The following MTG2 variants were observed in gnomAD, a reference collection of about 807,000 sequenced individuals.
The protein encoded by MTG2 is mitochondrial ribosome associated GTPase 2, also known as mitochondrial ribosome-associated GTPase 2.
Under a neutral mutation model 28.6 loss-of-function variants are expected in MTG2, and 23 were observed. That is an observed-to-expected ratio of 0.80 (90% CI 0.58 to 1.14). The LOEUF is 1.14. MTG2 is among the 50% of genes most tolerant of loss of function. The pLI is 0.00. For missense variants in MTG2, 539 were observed against 552.0 expected (o/e 0.98, Z 0.24); for synonymous variants, 260 against 251.8 (o/e 1.03, Z -0.31).
At chr20:62,197,759 A>G (rs377017932) in intron 3 of MTG2, 93 bp from the exon 4 acceptor site, 316 of 1,040,960 alleles carry the variant, frequency 3.0e-4, no homozygotes, top group East Asian at 8.2e-4. Flanking sequence ...TTCCATACCT[A>G]TTTTTAAGGT....
In MTG2 at chr20:62,203,092, A is replaced by G. The variant is rs540184350; in HGVS notation, c.*2015A>G. The G allele has an allele frequency of 8.5e-5, 13 of 152,342 alleles. No individual in the cohort carries two copies. The highest frequency in any genetic ancestry group is 3.1e-4 in the African/African-American group (13 of 41,586). The allele number at this position is 152,342 out of a possible 1,614,324, so 9.4% of individuals were successfully genotyped here. A position where few individuals can be genotyped will look rare whatever the true frequency, so the allele number is the denominator to read the frequency against. On this transcript the variant is annotated 3_prime_UTR_variant, in exon 7 of 7. Transcript: ENST00000370823. ...TTTGCTTTTTCTTTCAGGCCGCCAC[A>G]AAGGATTTTGTGGAGTCGCCCCAGG...
intron 1 of MTG2, among the ~76,000 whole-genome samples, chr20:62,186,583 C>T (rs1038508848): frequency 2.9e-5 from 4 of 135,850 alleles, no homozygotes; most frequent in South Asian, 2.4e-4. Flanking sequence ...GGCTGGAGTG[C>T]GGTAACGTGA....
At chr20:62,186,780 C>T (rs1013863610) in intron 1 of MTG2, among the ~76,000 whole-genome samples, 14 of 152,036 alleles carry the variant, frequency 9.2e-5, no homozygotes, top group East Asian at 3.9e-4. Context: ...CCGCCCACCT[C>T]GGCCTCCCAA....
chr20:62,196,306 G>A (rs925398286), intron 3 of MTG2, among the ~76,000 whole-genome samples: 3 of 150,712 alleles, frequency 2.0e-5, no homozygotes, highest in South Asian at 4.2e-4. Context: ...GCAGTGAATC[G>A]TGATCACACC....
chr20:62,189,013 T>C (rs1241055980), intron 1 of MTG2, among the ~76,000 whole-genome samples: 1 of 152,220 alleles, frequency 6.6e-6, no homozygotes, highest in Non-Finnish European at 1.5e-5. Context: ...TTACTGTTTT[T>C]ATTTTTCTAT....
In MTG2 at chr20:62,198,310, C is replaced by T. The variant is rs535015624; in HGVS notation, c.469-324C>T. The T allele has an allele frequency of 3.4e-5, 18 of 527,552 alleles. No individual in the cohort carries two copies. In the African/African-American group the frequency reaches 3.4e-4, roughly 10 times the overall value. 32.7% of individuals were successfully genotyped at this position (527,552 alleles called of 1,614,324 possible). On this transcript the variant is annotated intron_variant, in intron 4 of 6. Transcript: ENST00000370823. ...GGGAGGCCACTGGCACCCAGCGGGC[C>T]TGCGTCTCCTTCGCGAGCTGAATTC...
In MTG2 at chr20:62,198,539, G is replaced by A. The variant is rs1453341877; in HGVS notation, c.469-95G>A. On this transcript the variant is annotated intron_variant, in intron 4 of 6. Coordinates refer to ENST00000370823, the MANE Select transcript of MTG2 (RefSeq NM_015666.4). ...GCTGCCCGGGGCACAGTCCGCTCTT[G>A]TCTTCTTTCCTTAGCGCTTGCTTCA... The A allele has an allele frequency of 1.5e-5, 20 of 1,352,170 alleles. No homozygotes were observed. In the East Asian group the frequency reaches 4.0e-4, roughly 27 times the overall value. The allele number at this position is 1,352,170 out of a possible 1,614,324, so 83.8% of individuals were successfully genotyped here. A position where few individuals can be genotyped will look rare whatever the true frequency, so the allele number is the denominator to read the frequency against.
At chr20:62,196,750 C>T (rs115010888) in intron 3 of MTG2, among the ~76,000 whole-genome samples, 1,765 of 148,668 alleles carry the variant, frequency 0.012, 35 homozygotes, top group African/African-American at 0.039. Context: ...GATATTCAGC[C>T]GGGCGTGGTG....
In MTG2 at chr20:62,199,371, C is replaced by T. The variant is rs1361824137; in HGVS notation, c.826+114C>T. ...TTAAAATGTAGCATTGTTGGCCAGGCGTGGTGGCTCACACCTGTAACCCCA... is the reference window on the plus strand; with the variant it reads ...TTAAAATGTAGCATTGTTGGCCAGGTGTGGTGGCTCACACCTGTAACCCCA... On this transcript the variant is annotated intron_variant, in intron 6 of 6. Transcript: ENST00000370823. The T allele has an allele frequency of 2.0e-5, 27 of 1,344,964 alleles. No homozygotes were observed. In the Middle Eastern group the frequency reaches 1.3e-3, roughly 63 times the overall value. 83.3% of individuals were successfully genotyped at this position (1,344,964 alleles called of 1,614,324 possible).
chr20:62,201,015 G>A lies in MTG2; in HGVS notation c.1159G>A (p.Val387Met). The change falls in exon 7 of 7, where the codon GTG (valine) becomes ATG (methionine). Residue 387 changes from valine (V) to methionine (M), a missense_variant. Transcript: ENST00000370823. The part of the protein sequence containing the change: ...NLEQLLLHLK[V>M]LYDAYAEAEL... ...GGAGCAGCTGCTGTTGCACCTGAAGGTGCTGTATGACGCCTACGCGGAGGC... is the reference window on the plus strand; with the variant it reads ...GGAGCAGCTGCTGTTGCACCTGAAGATGCTGTATGACGCCTACGCGGAGGC... 1.9e-6 allele frequency: 3 copies of A among 1,612,974 alleles called. No individual in the cohort carries two copies. Among genetic ancestry groups the A allele is most frequent in the Non-Finnish European group, 2.5e-6 (3 of 1,179,948 alleles).
rs1023268215 is a variant in MTG2, at chr20:62,190,149, T to C, written c.-5-3267T>C. On this transcript the variant is annotated intron_variant, in intron 1 of 6. Coordinates refer to ENST00000370823, the MANE Select transcript of MTG2 (RefSeq NM_015666.4). ...GTGTCTTTGTGTTGTGTCTTAGTCA[T>C]TGCTCTGGAGGTTCCAGTCTGCACA... Among the ~76,000 whole-genome samples, 38 of 152,180 alleles carry C rather than the reference T, an allele frequency of 2.5e-4. 1 individual carries two copies. Among genetic ancestry groups the C allele is most frequent in the Non-Finnish European group, 1.5e-5 (1 of 68,020 alleles).
intron 5 of MTG2, 36 bp from the exon 6 acceptor site, chr20:62,199,083 C>A (rs781635003): frequency 6.2e-7 from 1 of 1,611,914 alleles, no homozygotes. Context: ...AAGGTGCTGC[C>A]GCGGGCCGTG....
At position 62,193,414 on chromosome 20, in the gene MTG2, A is replaced by G; in HGVS notation, c.-5-2A>G. 6.2e-7 allele frequency: 1 copy of G among 1,614,078 alleles called. No homozygotes were observed. Among genetic ancestry groups the G allele is most frequent in the Non-Finnish European group, 8.5e-7 (1 of 1,179,938 alleles). ...CTCATTTTGCCAATTTGACTTCTGT[A>G]GGGGCCATGGCACCTGCAAGGTGTT... On this transcript the variant is annotated splice_acceptor_variant, in intron 1 of 6. Coordinates refer to ENST00000370823, the MANE Select transcript of MTG2 (RefSeq NM_015666.4). LOFTEE classifies it low-confidence loss of function (5UTR_SPLICE).
chr20:62,193,281 A>C, intron 1 of MTG2, 135 bp from the exon 2 acceptor site: 1 of 862,292 alleles, frequency 1.2e-6, no homozygotes, highest in Non-Finnish European at 1.8e-6. Context: ...TGACCAGGAA[A>C]ATCGGATTCA....
At chr20:62,189,459 G>A (rs953881042) in intron 1 of MTG2, among the ~76,000 whole-genome samples, 17 of 151,958 alleles carry the variant, frequency 1.1e-4, no homozygotes, top group South Asian at 2.1e-4. Flanking sequence ...ATAGGGGTGC[G>A]CCACCATGCC....
rs1443448740 is a variant in MTG2, at chr20:62,193,557, T to C, written c.137T>C (p.Val46Ala). ...CGGGCTTCTCCCAGGCTGCTCTCGG[T>C]CGGCCGTGCGGACCTCGCCAAGCAT... ...PQRASPRLLS[V>A]GRADLAKHQE... The change falls in exon 2 of 7, where the codon GTC (valine) becomes GCC (alanine). Residue 46 changes from valine (V) to alanine (A), a missense_variant. Coordinates refer to ENST00000370823, the MANE Select transcript of MTG2 (RefSeq NM_015666.4). 6.2e-7 allele frequency: 1 copy of C among 1,613,734 alleles called. No homozygotes were observed. The highest frequency in any genetic ancestry group is 8.5e-7 in the Non-Finnish European group (1 of 1,179,994).
intron 6 of MTG2, among the ~76,000 whole-genome samples, chr20:62,199,512 G>A (rs1333429721): frequency 6.6e-6 from 1 of 151,594 alleles, no homozygotes; most frequent in Non-Finnish European, 1.5e-5. Flanking sequence ...TGGGTGTGGT[G>A]GCGGGCACCT....
chr20:62,200,971 C>T lies in MTG2; in HGVS notation c.1115C>T (p.Ala372Val), dbSNP rs143916641. The change falls in exon 7 of 7, where the codon GCG (alanine) becomes GTG (valine). Residue 372 changes from alanine (A) to valine (V), a missense_variant. Coordinates refer to ENST00000370823, the MANE Select transcript of MTG2 (RefSeq NM_015666.4). The part of the protein sequence containing the change: ...HLGQEVIVLS[A>V]LTGENLEQLL... ...GGACAGGAGGTCATCGTGCTGTCGG[C>T]GTTGACCGGCGAGAACCTGGAGCAG... 3,097 of 1,613,930 alleles carry T rather than the reference C, an allele frequency of 1.9e-3. 9 individuals are homozygous for T. Among genetic ancestry groups the T allele is most frequent in the Middle Eastern group, 6.9e-3 (42 of 6,062 alleles).
intron 3 of MTG2, among the ~76,000 whole-genome samples, chr20:62,197,038 A>G (rs2058071986): frequency 6.6e-6 from 1 of 152,154 alleles, no homozygotes; most frequent in South Asian, 2.1e-4. Flanking sequence ...GTCTCAAAAA[A>G]ATAAAAACAT....
Sources: allele counts gnomAD v4.1 joint callset (sites outside exome capture counted in the v4.1 genomes callset), GRCh38; gene constraint gnomAD v4.1.1; transcripts MANE v1.5; gene names NCBI Gene and HGNC (gene_info 2026-07-23, HGNC 2026-07-21).